IL1RAPL1: variants seen among roughly 807,000 people sequenced by gnomAD.
IL1RAPL1 encodes the protein interleukin 1 receptor accessory protein like 1.
In IL1RAPL1, 3 loss-of-function variants were observed where a neutral mutation model predicts 48.4. The ratio of observed to expected loss-of-function variants is 0.06; its 90% confidence interval spans 0.03 to 0.16. IL1RAPL1 has a LOEUF of 0.16. Ranked by LOEUF, IL1RAPL1 falls within the 10% of genes least tolerant of loss-of-function variation. The probability of loss-of-function intolerance (pLI) is 1.00; values close to 1 mark genes in which losing one functional copy is unlikely to be tolerated. For missense variants in IL1RAPL1, 349 were observed against 530.6 expected (o/e 0.66, Z 3.36); for synonymous variants, 185 against 187.7 (o/e 0.99, Z 0.12).
intron 2 of IL1RAPL1, among the ~76,000 whole-genome samples, chrX:29,143,949 G>A (rs1280003270): frequency 9.0e-6 from 1 of 111,715 alleles, no homozygotes; most frequent in Non-Finnish European, 1.9e-5. Context: ...CATGCTTGGA[G>A]CTCTTGAGTA....
intron 8 of IL1RAPL1, among the ~76,000 whole-genome samples, chrX:29,920,781 T>G (rs1183664446): frequency 4.0e-5 from 3 of 74,215 alleles, no homozygotes; most frequent in Non-Finnish European, 7.0e-5. Flanking sequence ...GGTGACAGAG[T>G]GAGACCCTGT....
chrX:28,949,325 G>C (rs1924389126), intron 2 of IL1RAPL1, among the ~76,000 whole-genome samples: 1 of 106,421 alleles, frequency 9.4e-6, no homozygotes, highest in South Asian at 4.0e-4. Context: ...GCTTTCATTT[G>C]CACATACCTT....
intron 2 of IL1RAPL1, among the ~76,000 whole-genome samples, chrX:28,928,951 C>G (rs1923815994): frequency 8.9e-6 from 1 of 112,076 alleles, no homozygotes; most frequent in African/African-American, 3.2e-5. Flanking sequence ...TTTCAAGTAT[C>G]AGGCGATATT....
chrX:29,069,258 A>G (rs1910787636), intron 2 of IL1RAPL1, among the ~76,000 whole-genome samples: 1 of 111,956 alleles, frequency 8.9e-6, no homozygotes, highest in Non-Finnish European at 1.9e-5. Context: ...GTTGTTAATA[A>G]TGATATTATC....
chrX:29,291,027 C>G (rs761615247), intron 3 of IL1RAPL1, among the ~76,000 whole-genome samples: 7 of 111,286 alleles, frequency 6.3e-5, no homozygotes, highest in Non-Finnish European at 1.3e-4. Flanking sequence ...AGTATAGTGA[C>G]CCCATTCCTA....
At chrX:29,021,795 C>T (rs1926375977) in intron 2 of IL1RAPL1, among the ~76,000 whole-genome samples, 1 of 111,522 alleles carries the variant, frequency 9.0e-6, no homozygotes, top group Admixed American at 9.6e-5. Context: ...TTAAGTGTTT[C>T]ATGTATGTTT....
intron 1 of IL1RAPL1, among the ~76,000 whole-genome samples, chrX:28,714,873 G>A (rs1322867441): frequency 8.9e-6 from 1 of 111,905 alleles, no homozygotes; most frequent in Non-Finnish European, 1.9e-5. Flanking sequence ...ATACTGGCCA[G>A]TTGTAAACAT....
chrX:28,925,512 G>A (rs1255685372), intron 2 of IL1RAPL1, among the ~76,000 whole-genome samples: 1 of 111,754 alleles, frequency 8.9e-6, no homozygotes, highest in Non-Finnish European at 1.9e-5. Context: ...ATTGCCAGGA[G>A]TTAGAATGAC....
chrX:28,847,067 C>T (rs1345294975), intron 2 of IL1RAPL1, among the ~76,000 whole-genome samples: 1 of 111,508 alleles, frequency 9.0e-6, no homozygotes, highest in African/African-American at 3.3e-5. Context: ...TCACACTTAG[C>T]GACCCCAAAC....
At chrX:28,675,195 A>G (rs1193991403) in intron 1 of IL1RAPL1, among the ~76,000 whole-genome samples, 1 of 111,828 alleles carries the variant, frequency 8.9e-6, no homozygotes. Context: ...GCAGCAATGT[A>G]TGGTTGTTTT....
chrX:28,815,931 C>A lies in IL1RAPL1; in HGVS notation c.82+26506C>A, dbSNP rs185486232. Among the ~76,000 whole-genome samples the A allele has an allele frequency of 4.6e-3, 388 of 84,029 alleles. 3 individuals carry two copies. The highest frequency in any genetic ancestry group is 8.8e-3 in the South Asian group (12 of 1,368). The allele number at this position is 84,029 out of a possible 115,157, so 73.0% of individuals were successfully genotyped here. Reference sequence around the variant, plus strand: ...TCCATTCATGGAACTTAGATTGAATCCATATTTTGGCTATTGTGAATAGTG... The same window carrying A: ...TCCATTCATGGAACTTAGATTGAATACATATTTTGGCTATTGTGAATAGTG... On this transcript the variant is annotated intron_variant, in intron 2 of 10. Transcript: ENST00000378993.
intron 1 of IL1RAPL1, among the ~76,000 whole-genome samples, chrX:28,672,895 CACCCAGGTATTAAGCCTAGA>C (rs1934961594): frequency 9.0e-6 from 1 of 111,260 alleles, no homozygotes; most frequent in Non-Finnish European, 1.9e-5. Context: ...ATTATTTCCT[CACCCAGGTATTAAGCCTAGA>C]ACCCAGTAAT....
intron 3 of IL1RAPL1, among the ~76,000 whole-genome samples, chrX:29,388,999 A>G (rs1441031044): frequency 1.8e-5 from 2 of 112,193 alleles, no homozygotes. Flanking sequence ...TATTTTACAT[A>G]TTATGAGAAG....
At chrX:28,858,978 T>C (rs750415139) in intron 2 of IL1RAPL1, among the ~76,000 whole-genome samples, 3 of 112,391 alleles carry the variant, frequency 2.7e-5, no homozygotes, top group Non-Finnish European at 5.6e-5. Flanking sequence ...TTTGATAAAA[T>C]TTAAATGATA....
intron 1 of IL1RAPL1, among the ~76,000 whole-genome samples, chrX:28,777,026 C>T (rs113488874): frequency 1.8e-5 from 2 of 111,911 alleles, no homozygotes; most frequent in African/African-American, 3.2e-5. Context: ...TCACAAACTT[C>T]GTGGCTCAAA....
chrX:28,850,286 TCTC>T (rs1369303928), intron 2 of IL1RAPL1, among the ~76,000 whole-genome samples: 1 of 111,064 alleles, frequency 9.0e-6, no homozygotes, highest in East Asian at 2.8e-4. Context: ...CCCTCTCACA[TCTC>T]CTACCGCAAG....
At chrX:29,491,265 C>G (rs963589597) in intron 5 of IL1RAPL1, among the ~76,000 whole-genome samples, 8 of 112,186 alleles carry the variant, frequency 7.1e-5, no homozygotes, top group Admixed American at 1.9e-4. Flanking sequence ...ATAAATAGGA[C>G]ACTACTCTCT....
intron 2 of IL1RAPL1, among the ~76,000 whole-genome samples, chrX:29,061,404 T>C (rs1927338344): frequency 8.9e-6 from 1 of 111,807 alleles, no homozygotes; most frequent in Admixed American, 9.5e-5. Flanking sequence ...ATAGTGAAGG[T>C]ATCGATGCTA....
In IL1RAPL1 at chrX:29,023,265, C is replaced by CTT. The variant is rs778280032; in HGVS notation, c.82+233842_82+233843dup. ...TCATCTTTATTCCATCTTTCTCCCT[C>CTT]TTTCATTTTATGATGTTGTTCCTTT... On this transcript the variant is annotated intron_variant, in intron 2 of 10. Coordinates refer to ENST00000378993, the MANE Select transcript of IL1RAPL1 (RefSeq NM_014271.4). Among the ~76,000 whole-genome samples, 298 of 112,626 alleles carry CTT rather than the reference C, an allele frequency of 2.6e-3. 1 individual carries two copies. The highest frequency in any genetic ancestry group is 9.3e-3 in the Middle Eastern group (2 of 216).
Sources: gnomAD v4.1 joint callset for allele counts (sites outside exome capture counted in the v4.1 genomes callset) on GRCh38, gnomAD v4.1.1 for gene constraint, MANE v1.5 for transcripts, NCBI Gene and HGNC (gene_info 2026-07-23, HGNC 2026-07-21) for gene names.